Variants in SPOCK3 observed in about 807,000 individuals in gnomAD.
The protein encoded by SPOCK3 is testican-3.
Under a neutral mutation model 56.6 loss-of-function variants are expected in SPOCK3, and 30 were observed. The ratio of observed to expected loss-of-function variants is 0.53; its 90% CI spans 0.40 to 0.72. SPOCK3 has a LOEUF of 0.72. Ranked by LOEUF, SPOCK3 falls within the 30% of genes least tolerant of loss-of-function variation. The pLI, the probability that SPOCK3 is intolerant of heterozygous loss-of-function variation, is 0.00. For missense variants in SPOCK3, 527 were observed against 530.0 expected, an observed-to-expected ratio of 0.99 and a Z score of 0.06; for synonymous variants, 196 against 183.3, an observed-to-expected ratio of 1.07 and a Z score of -0.56.
At chr4:167,201,464 T>C (rs941891025) in intron 2 of SPOCK3, among the ~76,000 whole-genome samples, 2 of 151,902 alleles carry the variant, frequency 1.3e-5, no homozygotes, top group African/African-American at 2.4e-5. Flanking sequence ...CCTTAATATA[T>C]CTAATGCACT....
intron 6 of SPOCK3, among the ~76,000 whole-genome samples, chr4:166,850,737 C>A (rs1054712165): frequency 5.9e-5 from 9 of 152,254 alleles, no homozygotes; most frequent in Non-Finnish European, 1.3e-4. Context: ...GTCACTCCCG[C>A]CCGAATACTG....
chr4:166,917,554 AT>A (rs900958189), intron 4 of SPOCK3, among the ~76,000 whole-genome samples: 12 of 152,296 alleles, frequency 7.9e-5, no homozygotes, highest in South Asian at 2.1e-4. Flanking sequence ...TTTCAAAAAA[AT>A]ATTCATTTCT....
At chr4:166,897,972 T>G (rs1735570398) in intron 5 of SPOCK3, among the ~76,000 whole-genome samples, 1 of 152,056 alleles carries the variant, frequency 6.6e-6, no homozygotes, top group Non-Finnish European at 1.5e-5. Context: ...GGAGGAGCAC[T>G]TTGAGGCCAG....
At chr4:167,226,454 A>G (rs1736604894) in intron 2 of SPOCK3, among the ~76,000 whole-genome samples, 1 of 152,138 alleles carries the variant, frequency 6.6e-6, no homozygotes, top group Admixed American at 6.6e-5. Context: ...ATGATAAAAA[A>G]CATTCCCATC....
chr4:167,177,111 T>G (rs1731052195), intron 2 of SPOCK3, among the ~76,000 whole-genome samples: 2 of 152,058 alleles, frequency 1.3e-5, no homozygotes, highest in Admixed American at 6.6e-5. Flanking sequence ...GGCAATTATT[T>G]GACGAGGAAC....
chr4:166,811,110 T>C (rs970377922), intron 6 of SPOCK3, among the ~76,000 whole-genome samples: 7 of 151,916 alleles, frequency 4.6e-5, no homozygotes, highest in Non-Finnish European at 1.0e-4. Flanking sequence ...CGATTATTCA[T>C]TTGTGCATTT....
intron 3 of SPOCK3, among the ~76,000 whole-genome samples, chr4:167,056,890 A>C (rs1754942376): frequency 6.6e-6 from 1 of 152,170 alleles, no homozygotes; most frequent in African/African-American, 2.4e-5. Context: ...GAACTTCCCC[A>C]ATCTAGCAAG....
At chr4:166,979,463 T>A (rs1746343177) in intron 4 of SPOCK3, among the ~76,000 whole-genome samples, 1 of 152,142 alleles carries the variant, frequency 6.6e-6, no homozygotes, top group African/African-American at 2.4e-5. Flanking sequence ...TAATTTCCTA[T>A]TTTCCCTTCA....
chr4:167,054,451 T>C (rs143946117), intron 3 of SPOCK3, among the ~76,000 whole-genome samples: 1 of 152,354 alleles, frequency 6.6e-6, no homozygotes, highest in Non-Finnish European at 1.5e-5. Context: ...ACCATATACA[T>C]TTTATGCCTT....
chr4:166,990,541 G>A (rs978044029), intron 4 of SPOCK3, among the ~76,000 whole-genome samples: 1 of 151,770 alleles, frequency 6.6e-6, no homozygotes, highest in Non-Finnish European at 1.5e-5. Flanking sequence ...ATCTACATTA[G>A]GCAGCAACAA....
intron 7 of SPOCK3, among the ~76,000 whole-genome samples, chr4:166,771,147 T>C (rs1399803712): frequency 6.6e-6 from 1 of 151,002 alleles, no homozygotes; most frequent in Non-Finnish European, 1.5e-5. Flanking sequence ...GTAGCTATTG[T>C]TTAAAAAGTT....
chr4:167,172,871 T>C (rs1184690552), intron 2 of SPOCK3, among the ~76,000 whole-genome samples: 3 of 152,172 alleles, frequency 2.0e-5, no homozygotes, highest in Non-Finnish European at 4.4e-5. Flanking sequence ...TCAGAGTTTA[T>C]GCTTTTTCAA....
intron 7 of SPOCK3, among the ~76,000 whole-genome samples, chr4:166,790,991 G>C (rs188885943): frequency 3.9e-5 from 6 of 152,014 alleles, no homozygotes; most frequent in Non-Finnish European, 1.5e-5. Context: ...AAGCTCAAAG[G>C]CATCAAAATA....
chr4:166,973,876 CT>C (rs1177064262), intron 4 of SPOCK3, among the ~76,000 whole-genome samples: 1 of 152,020 alleles, frequency 6.6e-6, no homozygotes, highest in Non-Finnish European at 1.5e-5. Context: ...TGATACAAGA[CT>C]TTGGAATACA....
At chr4:167,189,252 T>C (rs1440446122) in intron 2 of SPOCK3, among the ~76,000 whole-genome samples, 1 of 145,810 alleles carries the variant, frequency 6.9e-6, no homozygotes, top group Non-Finnish European at 1.5e-5. Flanking sequence ...AAAGTCAAAT[T>C]TGAAGTTCAC....
chr4:167,149,192 G>C (rs1328769720), intron 2 of SPOCK3, among the ~76,000 whole-genome samples: 1 of 152,076 alleles, frequency 6.6e-6, no homozygotes, highest in East Asian at 1.9e-4. Flanking sequence ...TCTCTCAGTA[G>C]TTCTCAATTA....
intron 3 of SPOCK3, among the ~76,000 whole-genome samples, chr4:167,059,881 T>C (rs998976108): frequency 1.3e-4 from 20 of 152,038 alleles, no homozygotes; most frequent in Admixed American, 3.3e-4. Context: ...AAATCATCAT[T>C]CTCAGTAAAC....
intron 2 of SPOCK3, among the ~76,000 whole-genome samples, chr4:167,133,909 T>C (rs879711800): frequency 9.9e-5 from 15 of 152,180 alleles, no homozygotes; most frequent in Admixed American, 9.8e-4. Context: ...AAACAGAATC[T>C]GTTGTTCTTC....
chr4:167,193,272 T>C (rs190221735), intron 2 of SPOCK3, among the ~76,000 whole-genome samples: 1 of 146,158 alleles, frequency 6.8e-6, no homozygotes, highest in Non-Finnish European at 1.5e-5. Context: ...CCTTTCCCTT[T>C]ATATTTTACA....
Sources: allele counts gnomAD v4.1 joint callset (sites outside exome capture counted in the v4.1 genomes callset), GRCh38; gene constraint gnomAD v4.1.1; transcripts MANE v1.5; gene names NCBI Gene and HGNC (gene_info 2026-07-23, HGNC 2026-07-21).